Variants in VEPH1 observed in about 807,000 individuals in gnomAD.
VEPH1 encodes ventricular zone expressed PH domain containing 1.
In VEPH1, 80 loss-of-function variants were observed where a neutral mutation model predicts 85.2. The ratio of observed to expected loss-of-function variants is 0.94; its 90% confidence interval spans 0.78 to 1.13. The LOEUF (loss-of-function observed/expected upper bound fraction) is 1.13. Ranked by LOEUF, VEPH1 falls within the 50% of genes most tolerant of loss-of-function variation. VEPH1 has a pLI of 0.00. For synonymous variants in VEPH1, 297 were observed against 348.0 expected, an observed-to-expected ratio of 0.85 and a Z score of 1.63; for missense variants, 955 against 980.5, an observed-to-expected ratio of 0.97 and a Z score of 0.35.
intron 9 of VEPH1, among the ~76,000 whole-genome samples, chr3:157,332,079 T>G (rs979344805): frequency 6.6e-6 from 1 of 152,218 alleles, no homozygotes; most frequent in Admixed American, 6.5e-5. Flanking sequence ...ACATGGTGCT[T>G]GCGGCTACTG....
At chr3:157,495,766 C>T (rs1488136583) in intron 1 of VEPH1, among the ~76,000 whole-genome samples, 2 of 152,174 alleles carry the variant, frequency 1.3e-5, no homozygotes, top group Non-Finnish European at 2.9e-5. Context: ...TTTCTCCTTT[C>T]TACATCCTTC....
chr3:157,273,377 T>G (rs528477633), intron 12 of VEPH1, among the ~76,000 whole-genome samples: 11 of 152,144 alleles, frequency 7.2e-5, no homozygotes, highest in Non-Finnish European at 1.6e-4. Context: ...GCTAGATCTG[T>G]GCACAGGGTC....
chr3:157,451,515 A>G lies in VEPH1; in HGVS notation c.529+8666T>C, dbSNP rs552874977. Among the ~76,000 whole-genome samples the G allele has an allele frequency of 7.9e-5, 12 of 152,358 alleles. No homozygotes were observed. The South Asian group carries it at 2.5e-3, about 32-fold the overall frequency. On this transcript the variant is annotated intron_variant, in intron 4 of 13. Coordinates refer to ENST00000362010, the MANE Select transcript of VEPH1 (RefSeq NM_001167912.2). ...TACTTATATATAACCATTAATAATA[A>G]GAGGTAGCAAAAATTGGCTTAGAAC...
At chr3:157,292,809 TA>T (rs11332321) in intron 11 of VEPH1, among the ~76,000 whole-genome samples, 44,009 of 98,432 alleles carry the variant, frequency 0.45, 9,800 homozygotes, top group East Asian at 0.61. Flanking sequence ...CCCTCTCTAC[TA>T]AAAAAAAAAA....
intron 6 of VEPH1, among the ~76,000 whole-genome samples, chr3:157,402,979 C>G (rs969025736): frequency 5.3e-5 from 8 of 152,092 alleles, no homozygotes; most frequent in African/African-American, 1.9e-4. Context: ...TAAACCAGTA[C>G]CAAGTTCCTA....
intron 6 of VEPH1, among the ~76,000 whole-genome samples, chr3:157,397,985 C>G (rs1730542501): frequency 6.6e-6 from 1 of 152,106 alleles, no homozygotes; most frequent in Non-Finnish European, 1.5e-5. Context: ...TCATGCAGAG[C>G]CATTTGTAAA....
At chr3:157,305,101 C>CTTT (rs139799192) in intron 11 of VEPH1, among the ~76,000 whole-genome samples, 6 of 77,818 alleles carry the variant, frequency 7.7e-5, no homozygotes, top group African/African-American at 1.1e-4. Flanking sequence ...ATCTATCTGT[C>CTTT]TTTTTTTTTT....
chr3:157,405,086 G>A (rs1731050939), intron 6 of VEPH1, among the ~76,000 whole-genome samples: 2 of 152,086 alleles, frequency 1.3e-5, no homozygotes, highest in Non-Finnish European at 2.9e-5. Flanking sequence ...CCTCTGGAAG[G>A]AGGAAGATCA....
intron 12 of VEPH1, among the ~76,000 whole-genome samples, chr3:157,267,062 G>C (rs1325802350): frequency 1.3e-5 from 2 of 148,454 alleles, no homozygotes; most frequent in South Asian, 4.3e-4. Context: ...ATAATAAAAT[G>C]TATAGTTTTC....
At chr3:157,396,823 C>A (rs1730423875) in intron 6 of VEPH1, among the ~76,000 whole-genome samples, 1 of 151,120 alleles carries the variant, frequency 6.6e-6, no homozygotes, top group South Asian at 2.1e-4. Context: ...TGTTTAAGTT[C>A]CTTGTAGATT....
chr3:157,322,746 T>C (rs1283570739), intron 9 of VEPH1, among the ~76,000 whole-genome samples: 1 of 152,190 alleles, frequency 6.6e-6, no homozygotes, highest in African/African-American at 2.4e-5. Flanking sequence ...ACAGGAACCC[T>C]TGAAGCAATT....
At chr3:157,433,110 T>G (rs1433051488) in intron 4 of VEPH1, among the ~76,000 whole-genome samples, 1 of 152,194 alleles carries the variant, frequency 6.6e-6, no homozygotes. Flanking sequence ...CTTATTAATA[T>G]GTCTTTTGAG....
intron 11 of VEPH1, among the ~76,000 whole-genome samples, chr3:157,294,497 C>T (rs575469926): frequency 1.3e-5 from 2 of 152,350 alleles, no homozygotes; most frequent in South Asian, 2.1e-4. Flanking sequence ...GTTGCCTCTA[C>T]AGCTGCACAG....
At chr3:157,478,288 A>G (rs761702389) in intron 2 of VEPH1, among the ~76,000 whole-genome samples, 1 of 152,068 alleles carries the variant, frequency 6.6e-6, no homozygotes, top group African/African-American at 2.4e-5. Context: ...TCACAGCTGC[A>G]TTACAGTGCA....
chr3:157,423,330 C>T (rs1217364502), intron 5 of VEPH1, among the ~76,000 whole-genome samples: 1 of 152,228 alleles, frequency 6.6e-6, no homozygotes, highest in African/African-American at 2.4e-5. Context: ...GAGCTCTAGC[C>T]TTGCTCCTCA....
intron 7 of VEPH1, among the ~76,000 whole-genome samples, chr3:157,369,193 A>ACAAACAAAAAAAAAAAAAC (rs1417067119): frequency 1.4e-5 from 2 of 140,572 alleles, no homozygotes; most frequent in East Asian, 4.4e-4. Context: ...AAAAAAAAAA[A>ACAAACAAAAAAAAAAAAAC]AAAAAAAAAA....
Position 157,470,606 on chromosome 3 carries a change from C to A in VEPH1, c.139-77G>T. The A allele has an allele frequency of 2.8e-6, 4 of 1,436,998 alleles. No individual in the cohort carries two copies. In the South Asian group the frequency reaches 3.6e-5, roughly 13 times the overall value. 89.0% of individuals were successfully genotyped at this position (1,436,998 alleles called of 1,614,324 possible). A position where few individuals can be genotyped will look rare whatever the true frequency, so the allele number is the denominator to read the frequency against. ...TCAAAGGACAAAATACTAACTCAGTCATTTAGAAAATGGGTGCACCAGGCT... is the reference window on the plus strand; with the variant it reads ...TCAAAGGACAAAATACTAACTCAGTAATTTAGAAAATGGGTGCACCAGGCT... On this transcript the variant is annotated intron_variant, in intron 2 of 13. Transcript: ENST00000362010.
At chr3:157,369,204 A>AAAAAC (rs1727204831) in intron 7 of VEPH1, among the ~76,000 whole-genome samples, 4 of 146,156 alleles carry the variant, frequency 2.7e-5, no homozygotes, top group Non-Finnish European at 3.0e-5. Flanking sequence ...AAAAAAAAAA[A>AAAAAC]CCTCCTGAGG....
chr3:157,398,606 C>T (rs1186876469), intron 6 of VEPH1, among the ~76,000 whole-genome samples: 1 of 150,340 alleles, frequency 6.7e-6, no homozygotes, highest in African/African-American at 2.5e-5. Context: ...TGCATTCCAG[C>T]CTGGCAACAG....
Sources: gnomAD v4.1 joint callset for allele counts (sites outside exome capture counted in the v4.1 genomes callset) on GRCh38, gnomAD v4.1.1 for gene constraint, MANE v1.5 for transcripts, NCBI Gene and HGNC (gene_info 2026-07-23, HGNC 2026-07-21) for gene names.